Variants in RSBN1L observed in about 807,000 individuals in gnomAD.
The protein encoded by RSBN1L is lysine-specific demethylase RSBN1L.
Under a neutral mutation model 67.7 loss-of-function variants are expected in RSBN1L, and 30 were observed. That is an observed-to-expected ratio of 0.44 (90% CI 0.33 to 0.60). The LOEUF (loss-of-function observed/expected upper bound fraction) is 0.60, where lower values mean the gene tolerates loss of function less well. RSBN1L is among the 20% of genes least tolerant of loss of function. RSBN1L has a pLI of 0.02. For synonymous variants in RSBN1L, 433 were observed against 387.0 expected (o/e 1.12, Z -1.39); for missense variants, 992 against 1,031.7 (o/e 0.96, Z 0.53).
chr7:77,773,006 G>A, intron 5 of RSBN1L, 141 bp from the exon 6 acceptor site: 1 of 507,000 alleles, frequency 2.0e-6, no homozygotes, highest in Non-Finnish European at 3.5e-6. Context: ...TTGTGTTTTT[G>A]TTTGTTCGTG....
chr7:77,711,621 G>C (rs1584276261), intron 1 of RSBN1L, among the ~76,000 whole-genome samples: 2 of 152,312 alleles, frequency 1.3e-5, no homozygotes, highest in South Asian at 4.1e-4. Context: ...AGGATTACAA[G>C]TGTGAGCCAA....
At chr7:77,757,735 G>A (rs1188821889) in intron 3 of RSBN1L, among the ~76,000 whole-genome samples, 2 of 152,214 alleles carry the variant, frequency 1.3e-5, no homozygotes, top group East Asian at 3.8e-4. Flanking sequence ...GTTGATGTAT[G>A]TTAGCTGGGT....
At chr7:77,761,812 A>G (rs1475946861) in intron 3 of RSBN1L, among the ~76,000 whole-genome samples, 1 of 152,220 alleles carries the variant, frequency 6.6e-6, no homozygotes, top group Admixed American at 6.5e-5. Context: ...TTATATTACA[A>G]TATATTTTAA....
intron 1 of RSBN1L, among the ~76,000 whole-genome samples, chr7:77,703,907 AC>A (rs770165396): frequency 3.3e-5 from 5 of 151,814 alleles, no homozygotes; most frequent in Non-Finnish European, 5.9e-5. Context: ...CTCCTGCTTC[AC>A]CCTCCCCAGT....
chr7:77,749,661 A>T lies in RSBN1L; in HGVS notation c.941A>T (p.Asp314Val), dbSNP rs1362832678. The change falls in exon 3 of 8, where the codon GAT becomes GTT. Residue 314 changes from aspartate to valine, a missense_variant. Transcript: ENST00000334955. ...VGKNLDTKNY[D>V]SKIPENSEFP... ...AAGAATTTGGATACCAAGAACTATGATTCCAAAATTCCAGAGAACAGTGAG... is the reference window on the plus strand; with the variant it reads ...AAGAATTTGGATACCAAGAACTATGTTTCCAAAATTCCAGAGAACAGTGAG... The T allele has an allele frequency of 1.2e-6, 2 of 1,614,168 alleles. No individual in the cohort carries two copies. The highest frequency in any genetic ancestry group is 3.3e-5 in the Admixed American group (2 of 60,014).
rs929375 is a variant in RSBN1L, at chr7:77,752,725, C to A, written c.1344+2661C>A. Among the ~76,000 whole-genome samples, 1,206 of 152,158 alleles carry A rather than the reference C, an allele frequency of 7.9e-3. 57 individuals carry two copies. Among genetic ancestry groups the A allele is most frequent in the Admixed American group, 0.076 (1,153 of 15,268 alleles). On this transcript the variant is annotated intron_variant, in intron 3 of 7. Coordinates refer to ENST00000334955, the MANE Select transcript of RSBN1L (RefSeq NM_198467.3). ...TGATGAATCTTCACAGGGAACACAC[C>A]CATGATTTTAAAAAGCCAAATATTG...
chr7:77,743,679 C>T (rs190366756), intron 2 of RSBN1L, among the ~76,000 whole-genome samples: 2 of 149,324 alleles, frequency 1.3e-5, no homozygotes, highest in East Asian at 3.9e-4. Context: ...AATATACTTT[C>T]ACTCAAATGA....
At chr7:77,758,089 A>G (rs1791644307) in intron 3 of RSBN1L, among the ~76,000 whole-genome samples, 1 of 152,234 alleles carries the variant, frequency 6.6e-6, no homozygotes, top group Non-Finnish European at 1.5e-5. Flanking sequence ...GTAATTAAGT[A>G]GCACTGTTTT....
At chr7:77,758,423 A>G (rs1407101983) in intron 3 of RSBN1L, among the ~76,000 whole-genome samples, 1 of 152,236 alleles carries the variant, frequency 6.6e-6, no homozygotes, top group Admixed American at 6.5e-5. Context: ...CAAGCATGCA[A>G]TATGAAATAA....
rs1791962308 is a variant in RSBN1L, at chr7:77,779,220, G to C, written c.*52G>C. On this transcript the variant is annotated 3_prime_UTR_variant, in exon 8 of 8. Transcript: ENST00000334955. ...TTTTAAAAAAATTTAATGTAATAAA[G>C]ATTCATGAATTCTGAAAGCAAGCCA... 2 of 1,294,620 alleles carry C rather than the reference G, an allele frequency of 1.5e-6. No individual in the cohort carries two copies. The highest frequency in any genetic ancestry group is 2.1e-6 in the Non-Finnish European group (2 of 944,360). 80.2% of individuals were successfully genotyped at this position (1,294,620 alleles called of 1,614,324 possible).
chr7:77,698,553 T>G (rs1470776993), intron 1 of RSBN1L, among the ~76,000 whole-genome samples: 1 of 152,242 alleles, frequency 6.6e-6, no homozygotes, highest in Non-Finnish European at 1.5e-5. Context: ...TAAGTAAGCA[T>G]TCTTTAACAA....
Position 77,709,152 on chromosome 7 carries a change from TTGTGTGTGTGTG to T in RSBN1L, c.586+12131_586+12142del, listed in dbSNP as rs67322019. On this transcript the variant is annotated intron_variant, in intron 1 of 7. Transcript: ENST00000334955. ...CTGCTCGACATAGAAGGGATTCTGT[TTGTGTGTGTGTG>T]TGTGTGTGTGTGTGTGTGTGTGTGT... Among the ~76,000 whole-genome samples the T allele has an allele frequency of 2.1e-3, 306 of 142,452 alleles. 1 individual carries two copies. The highest frequency in any genetic ancestry group is 5.5e-3 in the East Asian group (26 of 4,730). The allele number at this position is 142,452 out of a possible 152,430, so 93.5% of individuals were successfully genotyped here.
chr7:77,767,077 C>T (rs1432315806), intron 4 of RSBN1L, among the ~76,000 whole-genome samples: 3 of 139,764 alleles, frequency 2.1e-5, no homozygotes, highest in African/African-American at 5.4e-5. Context: ...CCTTCCCTTC[C>T]CCTTCCCCTT....
intron 6 of RSBN1L, among the ~76,000 whole-genome samples, chr7:77,774,847 A>T (rs2150434697): frequency 6.6e-6 from 1 of 152,272 alleles, no homozygotes; most frequent in Non-Finnish European, 1.5e-5. Context: ...TATTTTGCTT[A>T]TTAGAGCCAT....
At chr7:77,767,421 T>C (rs1791783637) in intron 4 of RSBN1L, among the ~76,000 whole-genome samples, 1 of 152,096 alleles carries the variant, frequency 6.6e-6, no homozygotes, top group South Asian at 2.1e-4. Context: ...TCATCCAGGC[T>C]GGAGGGCAGT....
chr7:77,755,713 GAA>G (rs530173805), intron 3 of RSBN1L, among the ~76,000 whole-genome samples: 1 of 149,934 alleles, frequency 6.7e-6, no homozygotes, highest in African/African-American at 2.4e-5. Context: ...TAAGCCCACT[GAA>G]AAAAAAAATT....
chr7:77,759,210 G>A (rs955792634), intron 3 of RSBN1L, among the ~76,000 whole-genome samples: 2 of 152,114 alleles, frequency 1.3e-5, no homozygotes, highest in African/African-American at 2.4e-5. Context: ...AACATTGCTT[G>A]CCTTTGTACT....
chr7:77,770,216 A>G (rs891004427), intron 5 of RSBN1L, among the ~76,000 whole-genome samples: 1 of 152,140 alleles, frequency 6.6e-6, no homozygotes, highest in African/African-American at 2.4e-5. Context: ...TCTACTAAAA[A>G]TAGAACAAAT....
chr7:77,718,309 T>C (rs2150415329), intron 1 of RSBN1L, among the ~76,000 whole-genome samples: 1 of 152,290 alleles, frequency 6.6e-6, no homozygotes, highest in South Asian at 2.1e-4. Flanking sequence ...GTGTATTTTG[T>C]TTTATGTTTT....
Sources: gnomAD v4.1 joint callset for allele counts (sites outside exome capture counted in the v4.1 genomes callset) on GRCh38, gnomAD v4.1.1 for gene constraint, MANE v1.5 for transcripts, NCBI Gene and HGNC (gene_info 2026-07-23, HGNC 2026-07-21) for gene names.